Variants in APPL1 observed in about 807,000 individuals in gnomAD.
APPL1 encodes DCC-interacting protein 13-alpha.
In APPL1, 42 loss-of-function variants were observed where a neutral mutation model predicts 106.8. The ratio of observed to expected loss-of-function variants is 0.39; its 90% CI spans 0.31 to 0.51. The LOEUF is 0.51. Ranked by LOEUF, APPL1 falls within the 20% of genes least tolerant of loss-of-function variation. The pLI is 0.75. For synonymous variants in APPL1, 263 were observed against 281.8 expected (o/e 0.93, Z 0.67); for missense variants, 769 against 858.2 (o/e 0.90, Z 1.30).
chr3:57,260,936 A>G (rs1236069268), intron 19 of APPL1, among the ~76,000 whole-genome samples, 162 bp downstream of exon 19: 2 of 152,218 alleles, frequency 1.3e-5, no homozygotes, highest in Admixed American at 1.3e-4. Flanking sequence ...ATTTTGTTAC[A>G]TGTATAGAAT....
At chr3:57,250,563 A>G (rs955954265) in intron 11 of APPL1, among the ~76,000 whole-genome samples, 38 of 152,216 alleles carry the variant, frequency 2.5e-4, no homozygotes, top group Admixed American at 2.0e-3. Context: ...AAAAGCGACA[A>G]TTAACTTTTT....
At chr3:57,246,796 AG>A (rs2060776251) in intron 8 of APPL1, among the ~76,000 whole-genome samples, 1 of 152,062 alleles carries the variant, frequency 6.6e-6, no homozygotes, top group African/African-American at 2.4e-5. Flanking sequence ...TGAGTCCAGG[AG>A]TTTGAGACTA....
At chr3:57,259,553 C>A (rs889883668) in intron 16 of APPL1, among the ~76,000 whole-genome samples, 1 of 152,098 alleles carries the variant, frequency 6.6e-6, no homozygotes, top group Admixed American at 6.5e-5. Flanking sequence ...GCCTTAGCCT[C>A]CCAAAGTGCT....
rs748706404 is a variant in APPL1 at position 57,248,346 on chromosome 3, T to C, written c.858T>C (p.Ala286=). ...NLTRKAGYLN[A]RNKTGLVSST... ...CCCGAAAGGCTGGATACCTTAATGC[T>C]AGGAAGTAAGAAAACTATTGTTATT... Residue 286 remains alanine, a synonymous_variant, in exon 10 of 22, where the codon GCT becomes GCC. Coordinates refer to ENST00000288266, the MANE Select transcript of APPL1 (RefSeq NM_012096.3). 1.2e-5 allele frequency: 20 copies of C among 1,613,166 alleles called. 1 individual carries two copies. In the South Asian group the frequency reaches 2.2e-4, roughly 18 times the overall value.
Position 57,271,622 on chromosome 3 carries a change from C to T in APPL1, c.*1935C>T, listed in dbSNP as rs2060940688. The T allele has an allele frequency of 6.6e-6, 1 of 152,182 alleles. No individual in the cohort carries two copies. The highest frequency in any genetic ancestry group is 1.5e-5 in the Non-Finnish European group (1 of 68,048). 9.4% of individuals were successfully genotyped at this position (152,182 alleles called of 1,614,324 possible). A position where few individuals can be genotyped will look rare whatever the true frequency, so the allele number is the denominator to read the frequency against. On this transcript the variant is annotated 3_prime_UTR_variant, in exon 22 of 22. Transcript: ENST00000288266. ...TCTGTTACTCTACAAGGAAGGTGTT[C>T]ATCATTAGGAGGCAGCTTTACTAAG...
chr3:57,263,873 A>G (rs1350547423), intron 19 of APPL1, among the ~76,000 whole-genome samples: 3 of 152,032 alleles, frequency 2.0e-5, no homozygotes, highest in Non-Finnish European at 4.4e-5. Flanking sequence ...TGTCTCTTCA[A>G]TATACTGATT....
chr3:57,249,479 G>A lies in APPL1; in HGVS notation c.983G>A (p.Cys328Tyr), dbSNP rs1475480812. The A allele has an allele frequency of 6.2e-7, 1 of 1,613,980 alleles. No individual in the cohort carries two copies. Reference protein sequence around the residue: ...AGGLAMDIDNCSVMAVDCEDR... With the variant: ...AGGLAMDIDNYSVMAVDCEDR... ...GGCCTGGCCATGGACATAGACAACT[G>A]TTCAGTGATGGCTGTGGACTGTGAA... The change falls in exon 11 of 22, where the codon TGT becomes TAT. Residue 328 changes from cysteine (C) to tyrosine (Y), a missense_variant. Coordinates refer to ENST00000288266, the MANE Select transcript of APPL1 (RefSeq NM_012096.3).
In APPL1 at chr3:57,227,834, G is replaced by C; in HGVS notation, c.-50G>C. On this transcript the variant is annotated 5_prime_UTR_variant, in exon 1 of 22. Transcript: ENST00000288266. ...GCTGCGGCGGGCGGGCCGGCGCGGG[G>C]AGCTGTGGGCGGCAGCTGCGTCTCC... 1 of 1,421,322 alleles carries C rather than the reference G, an allele frequency of 7.0e-7. No individual in the cohort carries two copies. The highest frequency in any genetic ancestry group is 9.3e-7 in the Non-Finnish European group (1 of 1,078,076). 88.0% of individuals were successfully genotyped at this position (1,421,322 alleles called of 1,614,324 possible).
intron 19 of APPL1, among the ~76,000 whole-genome samples, chr3:57,265,677 GATC>G (rs1161639870): frequency 6.6e-6 from 1 of 151,832 alleles, no homozygotes; most frequent in Non-Finnish European, 1.5e-5. Context: ...CTAAATATAA[GATC>G]ATCATATCAT....
At chr3:57,251,627 T>C (rs571687911) in intron 11 of APPL1, among the ~76,000 whole-genome samples, 1 of 152,140 alleles carries the variant, frequency 6.6e-6, no homozygotes, top group African/African-American at 2.4e-5. Context: ...GCCAATATTG[T>C]GTGGATTTAT....
At position 57,271,821 on chromosome 3, in the gene APPL1, C is replaced by G. The variant is rs186691326; in HGVS notation, c.*2134C>G. ...AACCCATCATCTCCATAGGTCAGAT[C>G]GAAGTGCATTCCAATGCTAAATAGA... is the stretch of plus-strand genomic sequence containing the variant. On this transcript the variant is annotated 3_prime_UTR_variant, in exon 22 of 22. Transcript: ENST00000288266. 13 of 152,188 alleles carry G rather than the reference C, an allele frequency of 8.5e-5. No individual in the cohort carries two copies. Among genetic ancestry groups the G allele is most frequent in the Non-Finnish European group, 1.5e-5 (1 of 68,044 alleles). 9.4% of individuals were successfully genotyped at this position (152,188 alleles called of 1,614,324 possible).
chr3:57,259,188 C>T (rs2060852715), intron 16 of APPL1, 108 bp downstream of exon 16: 1 of 878,776 alleles, frequency 1.1e-6, no homozygotes, highest in South Asian at 1.8e-5. Flanking sequence ...TTAATGCTAT[C>T]TTTACTTCAG....
chr3:57,248,818 C>T (rs760218902), intron 10 of APPL1, among the ~76,000 whole-genome samples: 2 of 151,668 alleles, frequency 1.3e-5, no homozygotes, highest in East Asian at 1.9e-4. Flanking sequence ...TGTGGTGAGC[C>T]GAGATCCCAC....
chr3:57,244,483 C>T (rs1484166478), intron 7 of APPL1, among the ~76,000 whole-genome samples: 1 of 152,002 alleles, frequency 6.6e-6, no homozygotes, highest in Non-Finnish European at 1.5e-5. Context: ...TAGAAGGTGA[C>T]ATTTACATTA....
Position 57,264,560 on chromosome 3 carries a change from A to T in APPL1, c.1843-3182A>T, listed in dbSNP as rs530998293. Among the ~76,000 whole-genome samples, 209 of 149,948 alleles carry T rather than the reference A, an allele frequency of 1.4e-3. 2 individuals are homozygous for T. The highest frequency in any genetic ancestry group is 7.1e-3 in the East Asian group (37 of 5,184). Reference sequence around the variant, plus strand: ...ATCCATTTTAATTATATTTAAAAAAATTTAAAAAAAAATAAAAAAAATAAA... The same window carrying T: ...ATCCATTTTAATTATATTTAAAAAATTTTAAAAAAAAATAAAAAAAATAAA... On this transcript the variant is annotated intron_variant, in intron 19 of 21. Transcript: ENST00000288266.
Position 57,228,334 on chromosome 3 carries a change from T to G in APPL1, c.54+397T>G, listed in dbSNP as rs1299506589. On this transcript the variant is annotated intron_variant, in intron 1 of 21. Coordinates refer to ENST00000288266, the MANE Select transcript of APPL1 (RefSeq NM_012096.3). The surrounding 1 kb of genome is among the most constrained non-coding windows in gnomAD (Gnocchi z 4.6). ...AGAAGGGAGAGAAACCCCGATAGTC[T>G]TATTTAATGATTTCCGAGGCTCAGC... 1.2e-4 allele frequency among the ~76,000 whole-genome samples: 18 copies of G among 152,260 alleles called. No homozygotes were observed. The highest frequency in any genetic ancestry group is 1.2e-3 in the Admixed American group (18 of 15,290).
At chr3:57,245,759 G>C (rs2060770393) in intron 7 of APPL1, among the ~76,000 whole-genome samples, 1 of 151,818 alleles carries the variant, frequency 6.6e-6, no homozygotes. Flanking sequence ...TGGCCAGGCT[G>C]TTCTTAAACT....
intron 4 of APPL1, among the ~76,000 whole-genome samples, chr3:57,239,200 G>A (rs148719598): frequency 0.024 from 3,612 of 152,196 alleles, 65 homozygotes; most frequent in South Asian, 0.035. Context: ...CTCCCATGGG[G>A]CCCCTCCCAC....
chr3:57,271,979 C>G lies in APPL1; in HGVS notation c.*2292C>G, dbSNP rs1450936065. 5 of 152,164 alleles carry G rather than the reference C, an allele frequency of 3.3e-5. No individual in the cohort carries two copies. The highest frequency in any genetic ancestry group is 7.3e-5 in the Non-Finnish European group (5 of 68,032). The allele number at this position is 152,164 out of a possible 1,614,324, so 9.4% of individuals were successfully genotyped here. A position where few individuals can be genotyped will look rare whatever the true frequency, so the allele number is the denominator to read the frequency against. On this transcript the variant is annotated 3_prime_UTR_variant, in exon 22 of 22. Transcript: ENST00000288266. ...AGCTCTTTTTGTTATTTAAAGGCTG[C>G]CCATGGGTTTCTGCCTAGTGGTAAA...
Sources: allele counts gnomAD v4.1 joint callset (sites outside exome capture counted in the v4.1 genomes callset), GRCh38; gene constraint gnomAD v4.1.1; non-coding constraint Gnocchi (gnomAD v3.1); transcripts MANE v1.5; gene names NCBI Gene and HGNC (gene_info 2026-07-23, HGNC 2026-07-21).